The following MAPK1IP1L variants were observed in gnomAD, a reference collection of about 807,000 sequenced individuals.
MAPK1IP1L encodes the protein mitogen-activated protein kinase 1 interacting protein 1 like, also known as MAPK-interacting and spindle-stabilizing protein-like.
MAPK1IP1L carries 10 observed loss-of-function variants against 18.1 expected under a neutral mutation model. The ratio of observed to expected loss-of-function variants is 0.55; its 90% CI spans 0.34 to 0.94. MAPK1IP1L has a LOEUF of 0.94. Ranked by LOEUF, MAPK1IP1L falls within the 40% of genes least tolerant of loss-of-function variation. MAPK1IP1L has a pLI of 0.02. For missense variants in MAPK1IP1L, 260 were observed against 318.2 expected (o/e 0.82, Z 1.39); for synonymous variants, 115 against 117.3 (o/e 0.98, Z 0.13).
At position 55,067,795 on chromosome 14, in the gene MAPK1IP1L, A is replaced by G. The variant is rs2042876475; in HGVS notation, c.*3168A>G. 6.6e-6 allele frequency: 1 copy of G among 152,184 alleles called. No homozygotes were observed. The highest frequency in any genetic ancestry group is 2.1e-4 in the South Asian group (1 of 4,828). The allele number at this position is 152,184 out of a possible 1,614,324, so 9.4% of individuals were successfully genotyped here. ...TGGAAAAGACTGCTTGTTAGCAAGT[A>G]TATTTGGTCTTGAGGGGGATACAGA... On this transcript the variant is annotated 3_prime_UTR_variant, in exon 4 of 4. Transcript: ENST00000395468.
intron 1 of MAPK1IP1L, among the ~76,000 whole-genome samples, chr14:55,056,331 C>G (rs1056211676): frequency 2.0e-5 from 3 of 152,128 alleles, no homozygotes; most frequent in African/African-American, 7.2e-5. Context: ...TTCTCAACTC[C>G]AGAATTAATA....
At chr14:55,057,284 A>AT (rs1352013335) in intron 1 of MAPK1IP1L, among the ~76,000 whole-genome samples, 1 of 152,196 alleles carries the variant, frequency 6.6e-6, no homozygotes, top group African/African-American at 2.4e-5. Flanking sequence ...CAAATGGCGT[A>AT]TTTTTTATCT....
chr14:55,060,361 G>T (rs1489587415), intron 1 of MAPK1IP1L: 1 of 151,962 alleles, frequency 6.6e-6, no homozygotes, highest in Non-Finnish European at 1.5e-5. Flanking sequence ...ATTTTTAGTA[G>T]AGACGGGGTT....
In MAPK1IP1L at chr14:55,067,848, C is replaced by T. The variant is rs1200052626; in HGVS notation, c.*3221C>T. 1 of 152,164 alleles carries T rather than the reference C, an allele frequency of 6.6e-6. No individual in the cohort carries two copies. The highest frequency in any genetic ancestry group is 2.4e-5 in the African/African-American group (1 of 41,406). The allele number at this position is 152,164 out of a possible 1,614,324, so 9.4% of individuals were successfully genotyped here. On this transcript the variant is annotated 3_prime_UTR_variant, in exon 4 of 4. Coordinates refer to ENST00000395468, the MANE Select transcript of MAPK1IP1L (RefSeq NM_144578.4). ...ATAGAATATGCTGACATTTGGGCTT[C>T]AGAGGAAGAATTTTCAAATCTAATG...
intron 1 of MAPK1IP1L, among the ~76,000 whole-genome samples, chr14:55,058,335 G>T (rs2042787778): frequency 6.6e-6 from 1 of 152,138 alleles, no homozygotes; most frequent in Non-Finnish European, 1.5e-5. Context: ...ACCTGCTATA[G>T]ACTAAAATTT....
intron 1 of MAPK1IP1L, among the ~76,000 whole-genome samples, chr14:55,057,754 C>CA (rs56295502): frequency 0.043 from 5,484 of 127,052 alleles, 225 homozygotes; most frequent in African/African-American, 0.12. Flanking sequence ...GACTCCATCT[C>CA]AAAAAAAAAA....
In MAPK1IP1L at chr14:55,051,753, C is replaced by G. The variant is rs772739306; in HGVS notation, c.-55C>G. On this transcript the variant is annotated 5_prime_UTR_variant, in exon 1 of 4. Transcript: ENST00000395468. ...CGCCCGCGTCTTCAGGGCCCAGTCC[C>G]TCGGACCCATCGCCGCTTCTAGACC... 7.8e-6 allele frequency: 4 copies of G among 514,736 alleles called. No individual in the cohort carries two copies. In the East Asian group the frequency reaches 2.2e-4, roughly 29 times the overall value. 31.9% of individuals were successfully genotyped at this position (514,736 alleles called of 1,614,324 possible). A position where few individuals can be genotyped will look rare whatever the true frequency, so the allele number is the denominator to read the frequency against.
At position 55,067,950 on chromosome 14, in the gene MAPK1IP1L, CA is replaced by C. The variant is rs1163094277; in HGVS notation, c.*3328del. On this transcript the variant is annotated 3_prime_UTR_variant, in exon 4 of 4. Transcript: ENST00000395468. ...TTTTGAAATGTTGAAACCAAAAAGA[CA>C]AAAATTAAAACATAGACCTTAGGTC... 1.3e-5 allele frequency: 2 copies of C among 152,074 alleles called. No homozygotes were observed. Among genetic ancestry groups the C allele is most frequent in the Non-Finnish European group, 2.9e-5 (2 of 68,012 alleles). 9.4% of individuals were successfully genotyped at this position (152,074 alleles called of 1,614,324 possible).
intron 1 of MAPK1IP1L, among the ~76,000 whole-genome samples, chr14:55,053,825 T>TG (rs745712665): frequency 2.0e-5 from 3 of 152,182 alleles, no homozygotes; most frequent in Non-Finnish European, 4.4e-5. Flanking sequence ...CTCCATGTAA[T>TG]ACTATAATTT....
chr14:55,066,900 AT>A lies in MAPK1IP1L; in HGVS notation c.*2288del, dbSNP rs10545370. The A allele has an allele frequency of 0.24, 34,205 of 144,252 alleles. 4,182 individuals are homozygous for A. The highest frequency in any genetic ancestry group is 0.33 in the African/African-American group (12,875 of 39,234). The allele number at this position is 144,252 out of a possible 1,614,324, so 8.9% of individuals were successfully genotyped here. ...ACTTTGCAACTGGTATTTGGGGGAG[AT>A]TTTTTTTTTTTTTTGAGACGGAGTC... On this transcript the variant is annotated 3_prime_UTR_variant, in exon 4 of 4. Transcript: ENST00000395468.
At chr14:55,052,459 CT>C (rs1193016017) in intron 1 of MAPK1IP1L, among the ~76,000 whole-genome samples, 3 of 152,142 alleles carry the variant, frequency 2.0e-5, no homozygotes, top group Non-Finnish European at 4.4e-5. Flanking sequence ...TTTTTTAGGA[CT>C]GAGGAGCACA....
chr14:55,052,187 C>G (rs965176170), intron 1 of MAPK1IP1L, among the ~76,000 whole-genome samples: 4 of 151,256 alleles, frequency 2.6e-5, no homozygotes, highest in Admixed American at 6.6e-5. Flanking sequence ...ATCCCGGACT[C>G]CCTTTGTTCG....
In MAPK1IP1L at chr14:55,062,821, C is replaced by T. The variant is rs151279209; in HGVS notation, c.222C>T (p.Ser74=). 341 of 1,614,110 alleles carry T rather than the reference C, an allele frequency of 2.1e-4. No individual in the cohort carries two copies. In the Middle Eastern group the frequency reaches 2.8e-3, roughly 13 times the overall value. ...CAGCACCAACAGGAATGTATCCCTC[C>T]GTGCCTCCCACCGGACCACCTCCAG... The part of the protein sequence containing the change: ...FGPAPTGMYP[S]VPPTGPPPGP... The change falls in exon 3 of 4, where the codon TCC becomes TCT. Residue 74 remains serine, a synonymous_variant. Coordinates refer to ENST00000395468, the MANE Select transcript of MAPK1IP1L (RefSeq NM_144578.4).
At chr14:55,061,797 A>T in intron 2 of MAPK1IP1L, 96 bp downstream of exon 2, 1 of 1,006,584 alleles carries the variant, frequency 9.9e-7, no homozygotes, top group Non-Finnish European at 1.4e-6. Flanking sequence ...CTTAAAAGAG[A>T]TGCTTTAACC....
At chr14:55,054,890 G>A (rs915893591) in intron 1 of MAPK1IP1L, among the ~76,000 whole-genome samples, 1 of 152,106 alleles carries the variant, frequency 6.6e-6, no homozygotes, top group South Asian at 2.1e-4. Context: ...AAGACATTTT[G>A]TACTGTTTTA....
At chr14:55,063,589 G>A (rs182522821) in intron 3 of MAPK1IP1L, among the ~76,000 whole-genome samples, 2 of 152,102 alleles carry the variant, frequency 1.3e-5, no homozygotes, top group African/African-American at 4.8e-5. Context: ...GTCCTCAATA[G>A]CATCCTTTAG....
At position 55,064,003 on chromosome 14, in the gene MAPK1IP1L, CTTTTTTTTTTTTTTTT is replaced by C. The variant is rs71131249; in HGVS notation, c.727-598_727-583del. ...CCTTAGGAAAAAAAATCTGTTAACT[CTTTTTTTTTTTTTTTT>C]TTTTTTTTTTTTTTGAGACAGTCTT... is the stretch of plus-strand genomic sequence containing the variant. On this transcript the variant is annotated intron_variant, in intron 3 of 3. Transcript: ENST00000395468. 4.2e-4 allele frequency: 32 copies of C among 76,028 alleles called. 1 individual carries two copies. The East Asian group carries it at 0.012, about 28-fold the overall frequency. The allele number at this position is 76,028 out of a possible 1,614,324, so 4.7% of individuals were successfully genotyped here. A position where few individuals can be genotyped will look rare whatever the true frequency, so the allele number is the denominator to read the frequency against.
rs1164066650 is a variant in MAPK1IP1L at position 55,066,408 on chromosome 14, C to T, written c.*1781C>T. The T allele has an allele frequency of 4.8e-5, 7 of 145,804 alleles. No individual in the cohort carries two copies. Among genetic ancestry groups the T allele is most frequent in the African/African-American group, 1.8e-4 (7 of 37,974 alleles). 9.0% of individuals were successfully genotyped at this position (145,804 alleles called of 1,614,324 possible). A position where few individuals can be genotyped will look rare whatever the true frequency, so the allele number is the denominator to read the frequency against. ...GCGGAATGTTGTTAGCTTTTTCTTT[C>T]ACTTCTCTTCAAGGACAGGTGTTAG... On this transcript the variant is annotated 3_prime_UTR_variant, in exon 4 of 4. Transcript: ENST00000395468.
In MAPK1IP1L at chr14:55,065,855, G is replaced by A. The variant is rs763105557; in HGVS notation, c.*1228G>A. The A allele has an allele frequency of 2.0e-5, 3 of 152,056 alleles. No individual in the cohort carries two copies. The highest frequency in any genetic ancestry group is 4.4e-5 in the Non-Finnish European group (3 of 68,022). 9.4% of individuals were successfully genotyped at this position (152,056 alleles called of 1,614,324 possible). A position where few individuals can be genotyped will look rare whatever the true frequency, so the allele number is the denominator to read the frequency against. ...GACAGGTAAATAAGTGGAGTTGAGT[G>A]CCATCTTTGAAAAAATTACCCTCTA... On this transcript the variant is annotated 3_prime_UTR_variant, in exon 4 of 4. Transcript: ENST00000395468.
Sources: allele counts gnomAD v4.1 joint callset (sites outside exome capture counted in the v4.1 genomes callset), GRCh38; gene constraint gnomAD v4.1.1; transcripts MANE v1.5; gene names NCBI Gene and HGNC (gene_info 2026-07-23, HGNC 2026-07-21).